DMWD: variants seen among roughly 807,000 people sequenced by gnomAD.
DMWD encodes the protein dystrophia myotonica WD repeat-containing protein.
A neutral mutation model predicts 45.8 loss-of-function variants in DMWD; 19 were observed. The ratio of observed to expected loss-of-function variants is 0.41; its 90% CI spans 0.29 to 0.61. The LOEUF (loss-of-function observed/expected upper bound fraction) is 0.61, where lower values mean the gene tolerates loss of function less well. DMWD is among the 20% of genes least tolerant of loss of function. The pLI is 0.25. For synonymous variants in DMWD, 515 were observed against 440.5 expected (o/e 1.17, Z -2.12); for missense variants, 802 against 965.2 (o/e 0.83, Z 2.24).
Position 45,792,585 on chromosome 19 carries a change from G to A in DMWD, c.172C>T (p.Pro58Ser). The change falls in exon 1 of 5, where the codon CCA becomes TCA. Residue 58 changes from proline to serine, a missense_variant. By Grantham distance (74) the Pro-to-Ser change is moderately conservative (BLOSUM62 -1). Coordinates refer to ENST00000270223, the MANE Select transcript of DMWD (RefSeq NM_004943.2). Reference protein sequence around the residue: ...ASAQTPVPPQPPQPPPGPASA... With the variant: ...ASAQTPVPPQSPQPPPGPASA... ...GCAGGGCCGGGCGGGGGCTGCGGTG[G>A]CTGAGGCGGCACCGGAGTCTGGGCG... The A allele has an allele frequency of 7.7e-7, 1 of 1,291,546 alleles. No homozygotes were observed. The highest frequency in any genetic ancestry group is 1.0e-6 in the Non-Finnish European group (1 of 1,003,294). The allele number at this position is 1,291,546 out of a possible 1,614,324, so 80.0% of individuals were successfully genotyped here. A position where few individuals can be genotyped will look rare whatever the true frequency, so the allele number is the denominator to read the frequency against.
Position 45,792,326 on chromosome 19 carries a change from C to T in DMWD, c.431G>A (p.Gly144Glu). 1.2e-6 allele frequency: 2 copies of T among 1,610,514 alleles called. No individual in the cohort carries two copies. Among genetic ancestry groups the T allele is most frequent in the Non-Finnish European group, 1.7e-6 (2 of 1,178,226 alleles). The change falls in exon 1 of 5, where the codon GGG (glycine) becomes GAG (glutamate). Residue 144 changes from glycine (G) to glutamate (E), a missense_variant. By Grantham distance (98) the Gly-to-Glu change is moderately conservative. Coordinates refer to ENST00000270223, the MANE Select transcript of DMWD (RefSeq NM_004943.2). ...LYFYPGCCRR[G>E]SQRSIDLNKP... ...ATGCAGGCCGCTCACCCGTTGGCTC[C>T]CACGACGACAGCAGCCTGGGTAGAA...
chr19:45,791,100 G>A lies in DMWD; in HGVS notation c.442-13C>T, dbSNP rs1970351902. On this transcript the variant is annotated splice_polypyrimidine_tract_variant and intron_variant, in intron 1 of 4. Transcript: ENST00000270223. ...TGAGGTCAATGGACTTGAGGGGTGGGAGAAAAGGAGTTAATGGTGTATGCC... is the reference window on the plus strand; with the variant it reads ...TGAGGTCAATGGACTTGAGGGGTGGAAGAAAAGGAGTTAATGGTGTATGCC... The A allele has an allele frequency of 1.2e-6, 2 of 1,601,314 alleles. No individual in the cohort carries two copies. The highest frequency in any genetic ancestry group is 1.7e-6 in the Non-Finnish European group (2 of 1,173,458).
chr19:45,788,293 T>A (rs1257994319), intron 2 of DMWD, among the ~76,000 whole-genome samples: 1 of 152,132 alleles, frequency 6.6e-6, no homozygotes, highest in African/African-American at 2.4e-5. Flanking sequence ...CAAGCAGGGT[T>A]CCAGAGCCTG....
Position 45,792,771 on chromosome 19 carries a change from G to A in DMWD, c.-15C>T, listed in dbSNP as rs1259595082. On this transcript the variant is annotated 5_prime_UTR_variant, in exon 1 of 5. Coordinates refer to ENST00000270223, the MANE Select transcript of DMWD (RefSeq NM_004943.2). ...CCCGCCGCCATCTTGGGCGCCCCCC[G>A]GGCCCCGCCACTGCCGGACTGCCGC... 7.1e-6 allele frequency: 8 copies of A among 1,119,004 alleles called. No individual in the cohort carries two copies. Among genetic ancestry groups the A allele is most frequent in the East Asian group, 5.0e-5 (1 of 20,168 alleles). 69.3% of individuals were successfully genotyped at this position (1,119,004 alleles called of 1,614,324 possible). A position where few individuals can be genotyped will look rare whatever the true frequency, so the allele number is the denominator to read the frequency against.
intron 2 of DMWD, chr19:45,789,837 G>GGGTT (rs905740134): frequency 6.6e-6 from 1 of 152,246 alleles, no homozygotes; most frequent in Admixed American, 6.5e-5. Flanking sequence ...CCAACATGGT[G>GGGTT]AAACCCCATC....
rs906412985 is a variant in DMWD, at chr19:45,792,788, G to A, written c.-32C>T. The A allele has an allele frequency of 3.6e-6, 4 of 1,105,648 alleles. No individual in the cohort carries two copies. The highest frequency in any genetic ancestry group is 3.3e-5 in the African/African-American group (2 of 60,116). 68.5% of individuals were successfully genotyped at this position (1,105,648 alleles called of 1,614,324 possible). On this transcript the variant is annotated 5_prime_UTR_variant, in exon 1 of 5. Coordinates refer to ENST00000270223, the MANE Select transcript of DMWD (RefSeq NM_004943.2). ...CGCCCCCCGGGCCCCGCCACTGCCG[G>A]ACTGCCGCCCGCAGCCGGGCCCCCT...
At position 45,783,724 on chromosome 19, in the gene DMWD, A is replaced by G; in HGVS notation, c.*519T>C. 1 of 445,186 alleles carries G rather than the reference A, an allele frequency of 2.2e-6. No individual in the cohort carries two copies. 27.6% of individuals were successfully genotyped at this position (445,186 alleles called of 1,614,324 possible). ...ACATCATCTCCTCCGAAGGGGACAG[A>G]CCCGCTGAGAAAACAGGGAACTTTA... On this transcript the variant is annotated 3_prime_UTR_variant, in exon 5 of 5. Coordinates refer to ENST00000270223, the MANE Select transcript of DMWD (RefSeq NM_004943.2).
chr19:45,787,040 A>C (rs1970289986), intron 2 of DMWD, 169 bp from the exon 3 acceptor site: 1 of 1,200,192 alleles, frequency 8.3e-7, no homozygotes, highest in African/African-American at 1.5e-5. Flanking sequence ...TGGGGAAGAC[A>C]GATGGACACC....
At position 45,792,453 on chromosome 19, in the gene DMWD, C is replaced by CGAGGCGCACGAGGCT. The variant is rs1479510806; in HGVS notation, c.289_303dup (p.Ser97_Leu101dup). On this transcript the variant is annotated inframe_insertion, in exon 1 of 5. Coordinates refer to ENST00000270223, the MANE Select transcript of DMWD (RefSeq NM_004943.2). ...CCGGCCCCGGCGCTGTCCGGCTCCC[C>CGAGGCGCACGAGGCT]GAGGCGCACGAGGCTGAGGCGCACG... The CGAGGCGCACGAGGCT allele has an allele frequency of 1.4e-6, 2 of 1,472,072 alleles. No individual in the cohort carries two copies. The highest frequency in any genetic ancestry group is 2.4e-5 in the Admixed American group (1 of 42,016). 91.2% of individuals were successfully genotyped at this position (1,472,072 alleles called of 1,614,324 possible). A position where few individuals can be genotyped will look rare whatever the true frequency, so the allele number is the denominator to read the frequency against.
intron 2 of DMWD, 147 bp downstream of exon 2, chr19:45,790,758 T>A: frequency 1.2e-6 from 1 of 828,802 alleles, no homozygotes; most frequent in South Asian, 1.9e-5. Flanking sequence ...AAGGCAGCTG[T>A]CATTAGCTGC....
chr19:45,783,835 G>A lies in DMWD; in HGVS notation c.*408C>T, dbSNP rs1397676684. On this transcript the variant is annotated 3_prime_UTR_variant, in exon 5 of 5. Transcript: ENST00000270223. Reference sequence around the variant, plus strand: ...TCTTCAAAAGCACAGACAATAGCAAGGGCAGCTGGGGTGGGGGCCGGGCGA... The same window carrying A: ...TCTTCAAAAGCACAGACAATAGCAAAGGCAGCTGGGGTGGGGGCCGGGCGA... 2.2e-5 allele frequency: 10 copies of A among 465,002 alleles called. No homozygotes were observed. In the Admixed American group the frequency reaches 4.3e-4, roughly 20 times the overall value. 28.8% of individuals were successfully genotyped at this position (465,002 alleles called of 1,614,324 possible). A position where few individuals can be genotyped will look rare whatever the true frequency, so the allele number is the denominator to read the frequency against.
intron 2 of DMWD, chr19:45,789,545 A>G (rs535685863): frequency 2.6e-4 from 40 of 152,382 alleles, no homozygotes; most frequent in African/African-American, 9.4e-4. Context: ...GGCTCAGAGA[A>G]TGGTCACCTT....
intron 2 of DMWD, 147 bp downstream of exon 2, chr19:45,790,758 T>C (rs1392842134): frequency 7.2e-6 from 6 of 828,802 alleles, no homozygotes; most frequent in Non-Finnish European, 1.1e-5. Context: ...AAGGCAGCTG[T>C]CATTAGCTGC....
rs1970260812 is a variant in DMWD at position 45,785,696 on chromosome 19, C to T, written c.1800G>A (p.Lys600=). ...VPLLEPLVCK[K]IAQERLTVLL... is the part of the protein sequence containing the mutation. ...GGACTGTGAGCCGCTCCTGGGCGAT[C>T]TTCTTGCACACAAGGGGCTCCAGCA... The change falls in exon 3 of 5, where the codon AAG becomes AAA. Residue 600 remains lysine (K), a synonymous_variant. Transcript: ENST00000270223. The T allele has an allele frequency of 2.5e-6, 4 of 1,602,622 alleles. No individual in the cohort carries two copies. Among genetic ancestry groups the T allele is most frequent in the Non-Finnish European group, 3.4e-6 (4 of 1,172,840 alleles).
At chr19:45,790,737 TGG>T in intron 2 of DMWD, 166 bp downstream of exon 2, 1 of 661,340 alleles carries the variant, frequency 1.5e-6, no homozygotes, top group Non-Finnish European at 2.5e-6. Flanking sequence ...GCACAGGGCC[TGG>T]GTACAGTAAA....
In DMWD at chr19:45,786,080, G is replaced by A. The variant is rs76141709; in HGVS notation, c.1416C>T (p.Ala472=). The change falls in exon 3 of 5, where the codon GCC becomes GCT. Residue 472 remains alanine (A), a synonymous_variant. Coordinates refer to ENST00000270223, the MANE Select transcript of DMWD (RefSeq NM_004943.2). ...LPGTPGTTPP[A]ASSSRGGEPG... is the part of the protein sequence containing the mutation. ...GCTCGCCACCCCTCGAGCTGCTGGCGGCCGGTGGCGTGGTGCCAGGTGTGC... is the reference window on the plus strand; with the variant it reads ...GCTCGCCACCCCTCGAGCTGCTGGCAGCCGGTGGCGTGGTGCCAGGTGTGC... 2,989 of 1,517,120 alleles carry A rather than the reference G, an allele frequency of 2.0e-3. 104 individuals are homozygous for A. The East Asian group carries it at 0.065, about 33-fold the overall frequency. The allele number at this position is 1,517,120 out of a possible 1,614,324, so 94.0% of individuals were successfully genotyped here. A position where few individuals can be genotyped will look rare whatever the true frequency, so the allele number is the denominator to read the frequency against.
In DMWD at chr19:45,785,793, A is replaced by C. The variant is rs1454106048; in HGVS notation, c.1703T>G (p.Val568Gly). The C allele has an allele frequency of 6.2e-7, 1 of 1,611,922 alleles. No homozygotes were observed. Residue 568 changes from valine (V) to glycine (G), a missense_variant, in exon 3 of 5, where the codon GTT (valine) becomes GGT (glycine). Around this residue, in one of 9 missense-constraint regions of DMWD, gnomAD observed 303 missense variants for 332.9 expected, o/e 0.91. Coordinates refer to ENST00000270223, the MANE Select transcript of DMWD (RefSeq NM_004943.2). ...GGCGGGGTCCAGGCGGCTGCGGGGA[A>C]CAGGGCCGCTGGGCTTCTCCCCACC... is the stretch of plus-strand genomic sequence containing the variant. ...GSGGEKPSGP[V>G]PRSRLDPAKV...
At position 45,784,712 on chromosome 19, in the gene DMWD, T is replaced by C. The variant is rs763552576; in HGVS notation, c.1906A>G (p.Thr636Ala). ...CTWARPGKAF[T>A]DEETEAQTGE... ...GTCTGGGCCTCGGTCTCCTCGTCTG[T>C]GAACTACGGAGACAGAGGGGTCTCT... Residue 636 changes from threonine (T) to alanine (A), a missense_variant, in exon 4 of 5, where the codon ACA (threonine) becomes GCA (alanine). Physicochemically the swap from Thr to Ala is moderately conservative, Grantham distance 58. Coordinates refer to ENST00000270223, the MANE Select transcript of DMWD (RefSeq NM_004943.2). 3.3e-5 allele frequency: 53 copies of C among 1,613,478 alleles called. No individual in the cohort carries two copies. The highest frequency in any genetic ancestry group is 4.2e-5 in the Non-Finnish European group (50 of 1,179,684).
At chr19:45,785,497 G>A (rs1038327845) in intron 3 of DMWD, 97 bp downstream of exon 3, 327 of 1,415,102 alleles carry the variant, frequency 2.3e-4, no homozygotes, top group Non-Finnish European at 2.7e-4. Context: ...CGGAGCCAGA[G>A]GCTGTGACAG....
Sources: gnomAD v4.1 joint callset for allele counts (sites outside exome capture counted in the v4.1 genomes callset) on GRCh38, gnomAD v4.1.1 for gene constraint, gnomAD v4.1.1 regional missense constraint, MANE v1.5 for transcripts, NCBI Gene and HGNC (gene_info 2026-07-23, HGNC 2026-07-21) for gene names.